The following TPTE2 variants were observed in gnomAD, a reference collection of about 807,000 sequenced individuals.
TPTE2 encodes phosphatidylinositol 3,4,5-trisphosphate 3-phosphatase TPTE2.
A neutral mutation model predicts 78.6 loss-of-function variants in TPTE2; 53 were observed. The ratio of observed to expected loss-of-function variants is 0.67; its 90% CI spans 0.54 to 0.85. TPTE2 has a LOEUF of 0.85. Ranked by LOEUF, TPTE2 falls within the 40% of genes least tolerant of loss-of-function variation. The pLI, the probability that TPTE2 is intolerant of heterozygous loss-of-function variation, is 0.00. For synonymous variants in TPTE2, 175 were observed against 206.2 expected, an observed-to-expected ratio of 0.85 and a Z score of 1.30; for missense variants, 461 against 623.0, an observed-to-expected ratio of 0.74 and a Z score of 2.77.
chr13:19,441,644 A>G lies in TPTE2; in HGVS notation c.974-3491T>C, dbSNP rs1877503321. On this transcript the variant is annotated intron_variant, in intron 13 of 19. Transcript: ENST00000400230. Reference sequence around the variant, plus strand: ...GTGACTTTAAAAATTAACAACAACTAGGAAACTTCCTTAACTCAACAAAGA... The same window carrying G: ...GTGACTTTAAAAATTAACAACAACTGGGAAACTTCCTTAACTCAACAAAGA... 2.0e-5 allele frequency among the ~76,000 whole-genome samples: 3 copies of G among 152,154 alleles called. No individual in the cohort carries two copies. In the South Asian group the frequency reaches 6.2e-4, roughly 32 times the overall value.
At chr13:19,450,439 T>C in intron 11 of TPTE2, 95 bp from the exon 15 acceptor site, 1 of 1,164,004 alleles carries the variant, frequency 8.6e-7, no homozygotes, top group Non-Finnish European at 1.2e-6. Flanking sequence ...TAGAATTCCT[T>C]ATCTATCTTC....
At chr13:19,490,271 G>C (rs1279148342) in intron 3 of TPTE2, among the ~76,000 whole-genome samples, 1 of 152,000 alleles carries the variant, frequency 6.6e-6, no homozygotes, top group African/African-American at 2.4e-5. Flanking sequence ...TAATTCAATA[G>C]CTAAAGGATT....
At chr13:19,542,889 G>C in the TPTE2 span, among the ~76,000 whole-genome samples, 1 of 151,874 alleles carries the variant, frequency 6.6e-6, no homozygotes, top group Non-Finnish European at 1.5e-5. Context: ...TACATGGAAG[G>C]CTGCGGTGGG....
At chr13:19,474,822 T>C (rs1879835600) in intron 5 of TPTE2, among the ~76,000 whole-genome samples, 1 of 152,232 alleles carries the variant, frequency 6.6e-6, no homozygotes, top group South Asian at 2.1e-4. Context: ...CATAAATCTA[T>C]ATCATAGTAT....
intron 10 of TPTE2, among the ~76,000 whole-genome samples, chr13:19,453,148 C>G (rs970631903): frequency 7.2e-5 from 11 of 151,904 alleles, no homozygotes; most frequent in Non-Finnish European, 1.2e-4. Context: ...CTGCCTCAGC[C>G]TTCTGAGTAG....
At chr13:19,503,739 G>A (rs1868784611), upstream of TPTE2, among the ~76,000 whole-genome samples, 1 of 152,150 alleles carries the variant, frequency 6.6e-6, no homozygotes, top group South Asian at 2.1e-4. Context: ...TTGGGGTTTG[G>A]AGTACCACCC....
At chr13:19,506,130 A>G (rs1178911586), upstream of TPTE2, among the ~76,000 whole-genome samples, 3 of 127,418 alleles carry the variant, frequency 2.4e-5, no homozygotes, top group Non-Finnish European at 3.2e-5. Flanking sequence ...ATGTGTATAT[A>G]TGTATATATA....
intron 4 of TPTE2, among the ~76,000 whole-genome samples, chr13:19,476,219 A>G (rs374985351): frequency 6.6e-6 from 1 of 152,060 alleles, no homozygotes; most frequent in Non-Finnish European, 1.5e-5. Flanking sequence ...GGCTCCTTCC[A>G]TTAATCAAAG....
chr13:19,464,399 T>A, intron 10 of TPTE2, 57 bp downstream of exon 13: 1 of 1,512,242 alleles, frequency 6.6e-7, no homozygotes, highest in Non-Finnish European at 9.1e-7. Context: ...ATTAAACTTA[T>A]GACTACACAG....
rs201672341 is a variant in TPTE2, at chr13:19,451,808, AGTGTGTGTGTGT to A, written c.742-595_742-584del. 9.6e-5 allele frequency among the ~76,000 whole-genome samples: 13 copies of A among 134,940 alleles called. No individual in the cohort carries two copies. In the South Asian group the frequency reaches 2.6e-3, roughly 27 times the overall value. The allele number at this position is 134,940 out of a possible 152,430, so 88.5% of individuals were successfully genotyped here. A position where few individuals can be genotyped will look rare whatever the true frequency, so the allele number is the denominator to read the frequency against. ...AAATGAAGATATATGTGTACCTATA[AGTGTGTGTGTGT>A]GTGTGTGTGTGTGTGTGTGTGTGTA... On this transcript the variant is annotated intron_variant, in intron 10 of 19. Coordinates refer to ENST00000400230, the Ensembl canonical transcript of TPTE2.
upstream of TPTE2, among the ~76,000 whole-genome samples, chr13:19,538,594 T>C (rs1871343456): frequency 6.7e-6 from 1 of 150,304 alleles, no homozygotes; most frequent in South Asian, 2.1e-4. Flanking sequence ...AGTGGCGCGA[T>C]CTTGGCTCAC....
the TPTE2 span, among the ~76,000 whole-genome samples, chr13:19,550,917 A>C: frequency 1.3e-5 from 2 of 152,004 alleles, no homozygotes; most frequent in Non-Finnish European, 2.9e-5. Context: ...TCAGCCTCCC[A>C]AGTAACTACG....
chr13:19,423,016 A>AG (rs1369337845), exon 20 of TPTE2: 1 of 1,601,078 alleles, frequency 6.2e-7, no homozygotes, highest in South Asian at 1.1e-5. Flanking sequence ...CAGAAGGGGA[A>AG]GGGGGAGCTA....
chr13:19,467,965 T>C lies in TPTE2; in HGVS notation c.393-621A>G, dbSNP rs1266560421. Among the ~76,000 whole-genome samples, 9 of 150,824 alleles carry C rather than the reference T, an allele frequency of 6.0e-5. No individual in the cohort carries two copies. The South Asian group carries it at 1.7e-3, about 28-fold the overall frequency. Reference sequence around the variant, plus strand: ...GTTTATCCTTCTGTGCCTGGCTTATTTCACTTAACAAACATAGTGATCTCT... The same window carrying C: ...GTTTATCCTTCTGTGCCTGGCTTATCTCACTTAACAAACATAGTGATCTCT... On this transcript the variant is annotated intron_variant, in intron 6 of 19. Transcript: ENST00000400230.
chr13:19,506,221 G>A (rs1228947847), upstream of TPTE2, among the ~76,000 whole-genome samples: 1 of 108,172 alleles, frequency 9.2e-6, no homozygotes, highest in Admixed American at 1.5e-4. Flanking sequence ...GCCCAGGCTG[G>A]AGTGCAGTGG....
chr13:19,462,749 T>G (rs1418365298), intron 10 of TPTE2, among the ~76,000 whole-genome samples: 1 of 152,078 alleles, frequency 6.6e-6, no homozygotes, highest in African/African-American at 2.4e-5. Flanking sequence ...TTCTTCATGT[T>G]GGCCATGCTC....
upstream of TPTE2, among the ~76,000 whole-genome samples, chr13:19,538,069 A>G (rs558845621): frequency 1.3e-5 from 2 of 152,302 alleles, no homozygotes; most frequent in South Asian, 2.1e-4. Context: ...TCCAAGTTTG[A>G]TGCTTATCTT....
intron 1 of TPTE2, among the ~76,000 whole-genome samples, chr13:19,494,624 G>A (rs1329464674): frequency 6.6e-6 from 1 of 152,088 alleles, no homozygotes; most frequent in Non-Finnish European, 1.5e-5. Context: ...TGCCAGCCTG[G>A]TCTTGAACAC....
At chr13:19,471,056 T>A (rs1879583403) in intron 6 of TPTE2, among the ~76,000 whole-genome samples, 1 of 151,822 alleles carries the variant, frequency 6.6e-6, no homozygotes, top group Non-Finnish European at 1.5e-5. Context: ...ACTACAGGTG[T>A]GCACCACCAC....
Sources: gnomAD v4.1 joint callset for allele counts (sites outside exome capture counted in the v4.1 genomes callset) on GRCh38, gnomAD v4.1.1 for gene constraint, MANE v1.5 for transcripts, NCBI Gene and HGNC (gene_info 2026-07-23, HGNC 2026-07-21) for gene names.